The following FAM178B variants were observed in gnomAD, a reference collection of about 807,000 sequenced individuals.
FAM178B encodes family with sequence similarity 178 member B.
Under a neutral mutation model 91.7 loss-of-function variants are expected in FAM178B, and 82 were observed. The ratio of observed to expected loss-of-function variants is 0.89; its 90% CI spans 0.75 to 1.07. The LOEUF is 1.07. Among genes scored for constraint, FAM178B ranks in the 50% least tolerant of loss-of-function variants. The probability of loss-of-function intolerance (pLI) is 0.00; values close to 1 mark genes in which losing one functional copy is unlikely to be tolerated. For synonymous variants in FAM178B, 368 were observed against 359.4 expected (o/e 1.02, Z -0.27); for missense variants, 769 against 846.7 (o/e 0.91, Z 1.14).
intron 9 of FAM178B, 58 bp downstream of exon 9, chr2:96,929,148 G>C: frequency 8.2e-7 from 1 of 1,216,616 alleles, no homozygotes. Context: ...GACAGAGAGA[G>C]ACCCTGTCTC....
intron 4 of FAM178B, among the ~76,000 whole-genome samples, chr2:96,968,860 C>G (rs1386459484): frequency 6.6e-6 from 1 of 152,208 alleles, no homozygotes; most frequent in African/African-American, 2.4e-5. Flanking sequence ...CAGGCTCCAG[C>G]CCCATGCACA....
chr2:96,949,889 T>C, intron 7 of FAM178B: 3 of 762,216 alleles, frequency 3.9e-6, no homozygotes, highest in Non-Finnish European at 4.8e-6. Context: ...CCATCAGGCC[T>C]GGCTCCGAGG....
intron 8 of FAM178B, among the ~76,000 whole-genome samples, chr2:96,930,192 A>G (rs1340319981): frequency 7.9e-6 from 1 of 125,798 alleles, no homozygotes; most frequent in African/African-American, 2.9e-5. Flanking sequence ...TGGGTGACAG[A>G]GCGAGACTCC....
intron 15 of FAM178B, 104 bp from the exon 16 acceptor site, chr2:96,878,146 G>A: frequency 7.9e-7 from 1 of 1,266,380 alleles, no homozygotes; most frequent in Non-Finnish European, 1.1e-6. Flanking sequence ...GGGCACATTT[G>A]AGTGACTGTT....
rs1347146529 is a variant in FAM178B at position 96,952,195 on chromosome 2, A to G, written c.888-711T>C. Among the ~76,000 whole-genome samples the G allele has an allele frequency of 5.3e-5, 8 of 152,308 alleles. No homozygotes were observed. The East Asian group carries it at 1.4e-3, about 26-fold the overall frequency. ...CGGGCACGATTACCCCCACGAGGCCAGCGTCTCGCGATCTGGTTACACAGG... is the reference window on the plus strand; with the variant it reads ...CGGGCACGATTACCCCCACGAGGCCGGCGTCTCGCGATCTGGTTACACAGG... On this transcript the variant is annotated intron_variant, in intron 6 of 16. Transcript: ENST00000490605.
chr2:96,926,007 G>A (rs1410073709), intron 9 of FAM178B, among the ~76,000 whole-genome samples: 3 of 152,100 alleles, frequency 2.0e-5, no homozygotes, highest in Non-Finnish European at 1.5e-5. Context: ...CTGCTCCTTT[G>A]AAAACCAAGT....
chr2:96,956,179 C>T (rs2081997289), intron 6 of FAM178B, among the ~76,000 whole-genome samples: 1 of 152,230 alleles, frequency 6.6e-6, no homozygotes, highest in African/African-American at 2.4e-5. Flanking sequence ...GGTCCTGACA[C>T]TTTTCCATGC....
At position 96,986,498 on chromosome 2, in the gene FAM178B, T is replaced by C. The variant is rs1349874292; in HGVS notation, c.-185A>G. On this transcript the variant is annotated 5_prime_UTR_variant, in exon 1 of 17. Transcript: ENST00000490605. ...AACGTGGAACCTAAAGATCCAGTTC[T>C]GGGGATTGAGTTCCGACTCCAAACC... 7 of 705,306 alleles carry C rather than the reference T, an allele frequency of 9.9e-6. No individual in the cohort carries two copies. In the Admixed American group the frequency reaches 1.6e-4, roughly 16 times the overall value. 43.7% of individuals were successfully genotyped at this position (705,306 alleles called of 1,614,324 possible). A position where few individuals can be genotyped will look rare whatever the true frequency, so the allele number is the denominator to read the frequency against.
chr2:96,970,012 AACAAC>A (rs1327190451), intron 4 of FAM178B, among the ~76,000 whole-genome samples: 1 of 152,206 alleles, frequency 6.6e-6, no homozygotes, highest in Non-Finnish European at 1.5e-5. Flanking sequence ...ACTGAACAAA[AACAAC>A]ACAACACAAC....
Position 96,876,154 on chromosome 2 carries a change from G to T in FAM178B, c.*122C>A. The T allele has an allele frequency of 2.0e-6, 2 of 1,016,464 alleles. No homozygotes were observed. Among genetic ancestry groups the T allele is most frequent in the Non-Finnish European group, 2.9e-6 (2 of 680,280 alleles). The allele number at this position is 1,016,464 out of a possible 1,614,324, so 63.0% of individuals were successfully genotyped here. On this transcript the variant is annotated 3_prime_UTR_variant, in exon 17 of 17. Transcript: ENST00000490605. ...GGGGCGGTGGCAGGGGCAGGCTCTT[G>T]CCTCATCAGGCTGGTCAGCATGTGG... is the stretch of plus-strand genomic sequence containing the variant.
rs2080233128 is a variant in FAM178B, at chr2:96,876,049, CAG to C, written c.*225_*226del. 11 of 567,780 alleles carry C rather than the reference CAG, an allele frequency of 1.9e-5. No homozygotes were observed. Among genetic ancestry groups the C allele is most frequent in the South Asian group, 1.3e-4 (6 of 47,752 alleles). The allele number at this position is 567,780 out of a possible 1,614,324, so 35.2% of individuals were successfully genotyped here. On this transcript the variant is annotated 3_prime_UTR_variant, in exon 17 of 17. Transcript: ENST00000490605. ...GAGGAGGGCTGAGGGGTGGGCGAGG[CAG>C]AGAGGCCCATCCCTTGCTGAGAGGA...
intron 4 of FAM178B, 131 bp from the exon 5 acceptor site, chr2:96,967,758 T>C: frequency 3.2e-6 from 2 of 629,962 alleles, no homozygotes; most frequent in East Asian, 5.5e-5. Context: ...GGTCTCCTTG[T>C]GAAGCCGCTC....
At chr2:96,949,002 T>C (rs1299985944) in intron 7 of FAM178B, among the ~76,000 whole-genome samples, 1 of 152,150 alleles carries the variant, frequency 6.6e-6, no homozygotes, top group Non-Finnish European at 1.5e-5. Context: ...AACTCTGCCT[T>C]TCTCCTCCTG....
intron 10 of FAM178B, 81 bp downstream of exon 10, chr2:96,923,409 G>A (rs2081379315): frequency 3.6e-6 from 4 of 1,106,002 alleles, no homozygotes; most frequent in South Asian, 1.3e-5. Context: ...GATTCTCCGT[G>A]ATGCTCCTGG....
intron 6 of FAM178B, 29 bp downstream of exon 6, chr2:96,960,259 A>G: frequency 6.5e-7 from 1 of 1,550,328 alleles, no homozygotes; most frequent in Non-Finnish European, 8.7e-7. Context: ...AGGCTGCGCC[A>G]CCCCCTCACC....
At position 96,917,504 on chromosome 2, in the gene FAM178B, T is replaced by C. The variant is rs78617226; in HGVS notation, c.1562+3661A>G. On this transcript the variant is annotated intron_variant, in intron 12 of 16. Transcript: ENST00000490605. Reference sequence around the variant, plus strand: ...ATGGCTAGCAGATGAAGGAGTGAAGTCATAAACTTAGGATATGGAGAAGGT... The same window carrying C: ...ATGGCTAGCAGATGAAGGAGTGAAGCCATAAACTTAGGATATGGAGAAGGT... Among the ~76,000 whole-genome samples, 327 of 152,264 alleles carry C rather than the reference T, an allele frequency of 2.1e-3. 15 individuals are homozygous for C. The East Asian group carries it at 0.04, about 19-fold the overall frequency.
At chr2:96,965,676 G>A (rs766560594) in intron 5 of FAM178B, among the ~76,000 whole-genome samples, 5 of 151,990 alleles carry the variant, frequency 3.3e-5, no homozygotes, top group Non-Finnish European at 5.9e-5. Flanking sequence ...GTGTTGCCGG[G>A]GCTGGTCTTA....
intron 1 of FAM178B, among the ~76,000 whole-genome samples, chr2:96,976,198 G>A (rs1357915581): frequency 6.6e-6 from 1 of 151,476 alleles, no homozygotes; most frequent in African/African-American, 2.4e-5. Flanking sequence ...AGGTTCAAGC[G>A]ATTCTCCTGC....
intron 13 of FAM178B, among the ~76,000 whole-genome samples, chr2:96,895,545 C>T (rs1471734162): frequency 6.6e-6 from 1 of 152,230 alleles, no homozygotes. Flanking sequence ...ATTCGGGTAG[C>T]CTGGGCCCAG....
Sources: gnomAD v4.1 joint callset for allele counts (sites outside exome capture counted in the v4.1 genomes callset) on GRCh38, gnomAD v4.1.1 for gene constraint, MANE v1.5 for transcripts, NCBI Gene and HGNC (gene_info 2026-07-23, HGNC 2026-07-21) for gene names.